The following COLEC11 variants were observed in gnomAD, a reference collection of about 807,000 sequenced individuals.
COLEC11 encodes the protein collectin-11.
In COLEC11, 20 loss-of-function variants were observed where a neutral mutation model predicts 27.3. That is an observed-to-expected ratio of 0.73 (90% CI 0.51 to 1.06). The LOEUF is 1.06. COLEC11 is among the 50% of genes least tolerant of loss of function. The probability of loss-of-function intolerance (pLI) is 0.00; values close to 1 mark genes in which losing one functional copy is unlikely to be tolerated. For missense variants in COLEC11, 310 were observed against 383.0 expected (o/e 0.81, Z 1.59); for synonymous variants, 163 against 154.7 (o/e 1.05, Z -0.40).
chr2:3,613,012 C>T lies in COLEC11; in HGVS notation c.131-299C>T, dbSNP rs373798644. 6.2e-5 allele frequency among the ~76,000 whole-genome samples: 9 copies of T among 145,490 alleles called. No homozygotes were observed. In the South Asian group the frequency reaches 6.2e-4, roughly 10 times the overall value. ...GGGTTGGGGAGAGCCGGCGTTTAGA[C>T]GCGGCACTGTGCACCCAGGGACAGA... On this transcript the variant is annotated intron_variant, in intron 2 of 6. Transcript: ENST00000349077.
chr2:3,609,535 A>T (rs201813960), intron 2 of COLEC11, among the ~76,000 whole-genome samples: 9 of 146,896 alleles, frequency 6.1e-5, no homozygotes, highest in East Asian at 2.0e-4. Context: ...ACATCCTGCT[A>T]TTTTTTTTTT....
intron 1 of COLEC11, among the ~76,000 whole-genome samples, chr2:3,597,652 C>T (rs1375308980): frequency 6.6e-6 from 1 of 151,774 alleles, no homozygotes; most frequent in African/African-American, 2.4e-5. Context: ...ATTCCCATGT[C>T]AGCCTTTGAT....
chr2:3,641,879 C>A (rs115725664), intron 5 of COLEC11, among the ~76,000 whole-genome samples: 1 of 152,166 alleles, frequency 6.6e-6, no homozygotes, highest in African/African-American at 2.4e-5. Context: ...AAAGCCCACC[C>A]GCACACCGCA....
chr2:3,627,287 C>T (rs186425506), intron 3 of COLEC11, among the ~76,000 whole-genome samples: 6 of 141,178 alleles, frequency 4.2e-5, no homozygotes, highest in East Asian at 2.1e-4. Flanking sequence ...CTGTGCATGA[C>T]GACACTGGGC....
At chr2:3,605,766 C>A (rs759311332) in intron 2 of COLEC11, 33 of 244,684 alleles carry the variant, frequency 1.3e-4, no homozygotes, top group Non-Finnish European at 2.5e-4. Context: ...ACAGTCACCA[C>A]GAAAGACAAA....
At chr2:3,622,543 G>T (rs1343890093) in intron 3 of COLEC11, among the ~76,000 whole-genome samples, 2 of 152,172 alleles carry the variant, frequency 1.3e-5, no homozygotes, top group Admixed American at 1.3e-4. Flanking sequence ...GAGAGAGTGG[G>T]CCTTTAGGAG....
intron 1 of COLEC11, chr2:3,603,832 T>C (rs956784977): frequency 6.2e-6 from 4 of 640,490 alleles, no homozygotes; most frequent in African/African-American, 5.5e-5. Context: ...CCTAAGGAGA[T>C]GTGGGGGCGT....
At position 3,595,148 on chromosome 2, in the gene COLEC11, G is replaced by A. The variant is rs1339572626; in HGVS notation, c.-47G>A. 5.7e-6 allele frequency: 2 copies of A among 350,728 alleles called. No individual in the cohort carries two copies. The highest frequency in any genetic ancestry group is 2.2e-5 in the African/African-American group (1 of 46,196). The allele number at this position is 350,728 out of a possible 1,614,324, so 21.7% of individuals were successfully genotyped here. A position where few individuals can be genotyped will look rare whatever the true frequency, so the allele number is the denominator to read the frequency against. On this transcript the variant is annotated 5_prime_UTR_variant, in exon 1 of 7. Transcript: ENST00000349077. ...GGGCCAGCGACGGGCAGGACGCCCC[G>A]TTCGCCTAGCGCGTGCTCAGGTAGG...
intron 3 of COLEC11, among the ~76,000 whole-genome samples, chr2:3,627,887 G>C (rs550581087): frequency 7.9e-4 from 121 of 152,328 alleles, no homozygotes; most frequent in African/African-American, 2.7e-3. Flanking sequence ...CTTCTTGAAG[G>C]GGCTCCTGAA....
intron 3 of COLEC11, among the ~76,000 whole-genome samples, chr2:3,629,877 A>G (rs1415400767): frequency 6.6e-6 from 1 of 152,220 alleles, no homozygotes; most frequent in Non-Finnish European, 1.5e-5. Flanking sequence ...GTACACATGT[A>G]TCCACGTATG....
intron 3 of COLEC11, among the ~76,000 whole-genome samples, chr2:3,616,393 G>T (rs1663736142): frequency 6.6e-6 from 1 of 151,906 alleles, no homozygotes; most frequent in Non-Finnish European, 1.5e-5. Context: ...GGCACTTTGG[G>T]AGGCCAAGGC....
intron 3 of COLEC11, among the ~76,000 whole-genome samples, chr2:3,621,543 T>A (rs2147910098): frequency 6.6e-6 from 1 of 152,324 alleles, no homozygotes; most frequent in East Asian, 1.9e-4. Flanking sequence ...TTTAAAGTAA[T>A]TATTGATAGT....
chr2:3,616,817 T>C (rs142211582), intron 3 of COLEC11, among the ~76,000 whole-genome samples: 5 of 143,964 alleles, frequency 3.5e-5, no homozygotes, highest in South Asian at 2.1e-4. Flanking sequence ...AGAGGGAGAC[T>C]GTGGGGAGAG....
Position 3,643,771 on chromosome 2 carries a change from G to A in COLEC11, c.469G>A (p.Val157Met). ...GACGGAGAGCAAGATCTACCTGCTGGTGAAGGAGGAGAAGCGCTACGCGGA... is the reference window on the plus strand; with the variant it reads ...GACGGAGAGCAAGATCTACCTGCTGATGAAGGAGGAGAAGCGCTACGCGGA... The part of the protein sequence containing the change: ...RETESKIYLL[V>M]KEEKRYADAQ... Residue 157 changes from valine (V) to methionine (M), a missense_variant, in exon 7 of 7, where the codon GTG becomes ATG. By Grantham distance (21) the Val-to-Met change is conservative. Coordinates refer to ENST00000349077, the MANE Select transcript of COLEC11 (RefSeq NM_024027.5). The A allele has an allele frequency of 6.2e-7, 1 of 1,613,654 alleles. No individual in the cohort carries two copies.
intron 2 of COLEC11, chr2:3,605,181 A>G (rs1662548580): frequency 2.2e-6 from 1 of 459,024 alleles, no homozygotes; most frequent in Non-Finnish European, 4.5e-6. Flanking sequence ...CCCCTTGTTC[A>G]AAATTACAGA....
At chr2:3,615,894 G>A (rs1218985418) in intron 3 of COLEC11, among the ~76,000 whole-genome samples, 1 of 141,494 alleles carries the variant, frequency 7.1e-6, no homozygotes. Context: ...CTGGCCGGGC[G>A]GGGGCTGCCC....
At chr2:3,596,382 G>A (rs1157468686) in intron 1 of COLEC11, among the ~76,000 whole-genome samples, 3 of 149,298 alleles carry the variant, frequency 2.0e-5, no homozygotes, top group Non-Finnish European at 4.4e-5. Flanking sequence ...TGTCACCCAG[G>A]CTGGAGTGCA....
At chr2:3,638,868 GA>G (rs1665640993) in intron 4 of COLEC11, among the ~76,000 whole-genome samples, 1 of 152,168 alleles carries the variant, frequency 6.6e-6, no homozygotes, top group Non-Finnish European at 1.5e-5. Flanking sequence ...ACAATTCAGG[GA>G]CATTGAGTAC....
intron 3 of COLEC11, among the ~76,000 whole-genome samples, chr2:3,629,633 T>C (rs1485658434): frequency 6.6e-6 from 1 of 152,192 alleles, no homozygotes; most frequent in African/African-American, 2.4e-5. Context: ...TGTATGTGCA[T>C]ATAGCGTGTG....
Sources: allele counts gnomAD v4.1 joint callset (sites outside exome capture counted in the v4.1 genomes callset), GRCh38; gene constraint gnomAD v4.1.1; transcripts MANE v1.5; gene names NCBI Gene and HGNC (gene_info 2026-07-23, HGNC 2026-07-21).